The following PTPRT variants were observed in gnomAD, a reference collection of about 807,000 sequenced individuals.
PTPRT encodes protein tyrosine phosphatase receptor type T.
Under a neutral mutation model 176.8 loss-of-function variants are expected in PTPRT, and 56 were observed. That is an observed-to-expected ratio of 0.32 (90% CI 0.26 to 0.40). The LOEUF is 0.40. PTPRT is among the 10% of genes least tolerant of loss of function. The probability of loss-of-function intolerance (pLI) is 1.00; values close to 1 mark genes in which losing one functional copy is unlikely to be tolerated. For missense variants in PTPRT, 1,540 were observed against 1,908.2 expected (o/e 0.81, Z 3.60); for synonymous variants, 783 against 739.0 (o/e 1.06, Z -0.96).
intron 9 of PTPRT, among the ~76,000 whole-genome samples, chr20:42,396,589 T>A (rs1173624767): frequency 6.6e-6 from 1 of 152,228 alleles, no homozygotes; most frequent in Non-Finnish European, 1.5e-5. Flanking sequence ...TGAGACGCAG[T>A]CTTGCTCTGT....
chr20:42,248,883 C>T, intron 13 of PTPRT, 61 bp from the exon 14 acceptor site: 1 of 1,583,164 alleles, frequency 6.3e-7, no homozygotes, highest in Non-Finnish European at 8.7e-7. Flanking sequence ...ACTAGACAAT[C>T]ATCATAATGA....
intron 1 of PTPRT, among the ~76,000 whole-genome samples, chr20:43,161,575 G>C (rs2014699481): frequency 6.6e-6 from 1 of 152,068 alleles, no homozygotes; most frequent in African/African-American, 2.4e-5. Context: ...AAGCAAAATT[G>C]GTAAGACACT....
chr20:42,847,413 G>C (rs1328516543), intron 2 of PTPRT, among the ~76,000 whole-genome samples: 1 of 152,190 alleles, frequency 6.6e-6, no homozygotes, highest in Non-Finnish European at 1.5e-5. Context: ...AAGACCAAGG[G>C]CATTGGCAGA....
chr20:42,352,824 T>C (rs998709057), intron 9 of PTPRT, among the ~76,000 whole-genome samples: 7 of 152,110 alleles, frequency 4.6e-5, no homozygotes, highest in African/African-American at 1.7e-4. Flanking sequence ...AAATACCTCG[T>C]GTAACCCATA....
chr20:42,226,358 G>A (rs182106520), intron 15 of PTPRT, among the ~76,000 whole-genome samples: 2 of 152,186 alleles, frequency 1.3e-5, no homozygotes, highest in South Asian at 4.1e-4. Context: ...CTAAAACTGT[G>A]GAGCCAGGAA....
intron 7 of PTPRT, among the ~76,000 whole-genome samples, chr20:42,521,638 AT>A (rs1305076122): frequency 6.6e-6 from 1 of 152,202 alleles, no homozygotes; most frequent in African/African-American, 2.4e-5. Context: ...ACTGAAACTC[AT>A]TGAGTAGATT....
chr20:42,956,059 C>G (rs962672229), intron 1 of PTPRT, among the ~76,000 whole-genome samples: 1 of 152,152 alleles, frequency 6.6e-6, no homozygotes, highest in Non-Finnish European at 1.5e-5. Context: ...TAAAGCTTTC[C>G]CCCACACACA....
chr20:42,693,377 T>C (rs1444953756), intron 6 of PTPRT, among the ~76,000 whole-genome samples: 4 of 151,968 alleles, frequency 2.6e-5, no homozygotes, highest in Non-Finnish European at 5.9e-5. Context: ...TATATAAAAA[T>C]GCAAAAGGCC....
chr20:42,903,834 G>C (rs554510357), intron 1 of PTPRT, among the ~76,000 whole-genome samples: 1 of 152,326 alleles, frequency 6.6e-6, no homozygotes, highest in Non-Finnish European at 1.5e-5. Flanking sequence ...GTCTTGGGTA[G>C]ATGTAATTAC....
chr20:43,173,769 C>T (rs1051135171), intron 1 of PTPRT, among the ~76,000 whole-genome samples: 5 of 152,306 alleles, frequency 3.3e-5, no homozygotes, highest in Admixed American at 2.6e-4. Flanking sequence ...CTCAGAATTA[C>T]CTGCTTGTAT....
intron 27 of PTPRT, among the ~76,000 whole-genome samples, chr20:42,087,454 A>G (rs1355046280): frequency 6.6e-6 from 1 of 151,536 alleles, no homozygotes; most frequent in African/African-American, 2.4e-5. Context: ...TCACCGTGTT[A>G]GCCAGGATGG....
chr20:42,605,754 T>G (rs1308412006), intron 7 of PTPRT, among the ~76,000 whole-genome samples: 2 of 152,108 alleles, frequency 1.3e-5, no homozygotes, highest in African/African-American at 4.8e-5. Flanking sequence ...ACGGGCTCTC[T>G]CCCCCTCCTA....
At chr20:42,176,366 CA>C (rs1322738715) in intron 16 of PTPRT, among the ~76,000 whole-genome samples, 2 of 152,122 alleles carry the variant, frequency 1.3e-5, no homozygotes, top group Admixed American at 6.6e-5. Flanking sequence ...ACTCAAAATG[CA>C]TATCTTCTCC....
intron 1 of PTPRT, among the ~76,000 whole-genome samples, chr20:42,993,154 C>G (rs927783727): frequency 6.6e-6 from 1 of 152,056 alleles, no homozygotes; most frequent in East Asian, 1.9e-4. Flanking sequence ...AAATATACAA[C>G]CTGCCTGTAA....
At chr20:42,794,982 C>A (rs538756986) in intron 2 of PTPRT, among the ~76,000 whole-genome samples, 1 of 152,096 alleles carries the variant, frequency 6.6e-6, no homozygotes. Flanking sequence ...AGCTCAAGCG[C>A]GCCACTAGAG....
chr20:42,139,320 T>A (rs996138431), intron 18 of PTPRT, among the ~76,000 whole-genome samples: 1 of 152,138 alleles, frequency 6.6e-6, no homozygotes, highest in Non-Finnish European at 1.5e-5. Flanking sequence ...TCAAGGTGCT[T>A]CAGTTCTCTC....
intron 7 of PTPRT, among the ~76,000 whole-genome samples, chr20:42,512,433 T>G (rs10427443): frequency 0.099 from 15,047 of 152,246 alleles, 1,520 homozygotes; most frequent in African/African-American, 0.26. Context: ...ATAATGCCTT[T>G]GAGATTCATC....
intron 1 of PTPRT, among the ~76,000 whole-genome samples, chr20:43,136,899 T>G (rs1191519159): frequency 6.6e-6 from 1 of 152,336 alleles, no homozygotes; most frequent in East Asian, 1.9e-4. Flanking sequence ...TTTGAAGACG[T>G]TTCTTTGTGG....
chr20:42,136,339 A>G (rs1333727889), intron 18 of PTPRT, among the ~76,000 whole-genome samples: 1 of 146,382 alleles, frequency 6.8e-6, no homozygotes, highest in African/African-American at 2.5e-5. Flanking sequence ...TGTTAATGCC[A>G]TCATCTTGCA....
Sources: allele counts gnomAD v4.1 joint callset (sites outside exome capture counted in the v4.1 genomes callset), GRCh38; gene constraint gnomAD v4.1.1; transcripts MANE v1.5; gene names NCBI Gene and HGNC (gene_info 2026-07-23, HGNC 2026-07-21).